The following JRK variants were observed in gnomAD, a reference collection of about 807,000 sequenced individuals.
JRK encodes the protein jerky protein homolog.
For synonymous variants in JRK, 303 were observed against 218.1 expected, an observed-to-expected ratio of 1.39 and a Z score of -3.43; for missense variants, 720 against 509.2, an observed-to-expected ratio of 1.41 and a Z score of -3.98.
chr8:142,669,770 C>T (rs1358059953), intron 1 of JRK, among the ~76,000 whole-genome samples, 162 bp downstream of exon 1: 3 of 148,620 alleles, frequency 2.0e-5, no homozygotes, highest in Non-Finnish European at 4.5e-5. Context: ...CGGCTGGGTC[C>T]GGCCCCGCAG....
Position 142,664,050 on chromosome 8 carries a change from C to T in JRK, c.*302G>A. On this transcript the variant is annotated 3_prime_UTR_variant, in exon 2 of 2. Transcript: ENST00000612905. ...GAACACGAGACCAGATCGGCTCAGCCTGGCCCCCATTCCAGCCAGGGTGCG... is the reference window on the plus strand; with the variant it reads ...GAACACGAGACCAGATCGGCTCAGCTTGGCCCCCATTCCAGCCAGGGTGCG... 8.3e-7 allele frequency: 1 copy of T among 1,199,954 alleles called. No homozygotes were observed. The highest frequency in any genetic ancestry group is 1.0e-6 in the Non-Finnish European group (1 of 965,778). 74.3% of individuals were successfully genotyped at this position (1,199,954 alleles called of 1,614,324 possible). A position where few individuals can be genotyped will look rare whatever the true frequency, so the allele number is the denominator to read the frequency against.
chr8:142,652,480 G>C (rs1846684291), downstream of JRK, among the ~76,000 whole-genome samples: 1 of 152,208 alleles, frequency 6.6e-6, no homozygotes, highest in Admixed American at 6.5e-5. Flanking sequence ...AGGTAGATAA[G>C]AGACAAATGG....
At position 142,666,184 on chromosome 8, in the gene JRK, TCTG is replaced by T. The variant is rs1349290545; in HGVS notation, c.-129_-127del. 2.2e-5 allele frequency: 34 copies of T among 1,511,952 alleles called. No homozygotes were observed. Among genetic ancestry groups the T allele is most frequent in the Non-Finnish European group, 3.0e-5 (34 of 1,116,642 alleles). The allele number at this position is 1,511,952 out of a possible 1,614,324, so 93.7% of individuals were successfully genotyped here. A position where few individuals can be genotyped will look rare whatever the true frequency, so the allele number is the denominator to read the frequency against. On this transcript the variant is annotated 5_prime_UTR_variant, in exon 2 of 2. Coordinates refer to ENST00000612905, the MANE Select transcript of JRK (RefSeq NM_003724.4). The stretch of plus-strand genomic sequence containing the variant: ...CTCCCTCTCCACTCTGCCTGCCTGC[TCTG>T]CTGATCCTGAGCACAGGCCCCAGTC...
In JRK at chr8:142,661,325, C is replaced by T. The variant is rs1226406179; in HGVS notation, c.*3027G>A. On this transcript the variant is annotated 3_prime_UTR_variant, in exon 2 of 2. Transcript: ENST00000612905. ...CCTAACCCCTGAATTCACCATGCCA[C>T]CCTGAAAGTATGGCCTCTCCTGGGC... 2.0e-6 allele frequency: 2 copies of T among 985,354 alleles called. No individual in the cohort carries two copies. Among genetic ancestry groups the T allele is most frequent in the Non-Finnish European group, 2.4e-6 (2 of 829,962 alleles). The allele number at this position is 985,354 out of a possible 1,614,324, so 61.0% of individuals were successfully genotyped here. A position where few individuals can be genotyped will look rare whatever the true frequency, so the allele number is the denominator to read the frequency against.
rs587635410 is a variant in JRK, at chr8:142,668,676, A to G, written c.-463+1256T>C. Among the ~76,000 whole-genome samples the G allele has an allele frequency of 1.1e-4, 16 of 151,616 alleles. No individual in the cohort carries two copies. In the East Asian group the frequency reaches 1.6e-3, roughly 15 times the overall value. ...TCGCGGACACGTCTCCATGCCTGAC[A>G]TGCAGGTGTAGCAGGATGACACAAA... On this transcript the variant is annotated intron_variant, in intron 1 of 1. Coordinates refer to ENST00000612905, the MANE Select transcript of JRK (RefSeq NM_003724.4).
the JRK span, among the ~76,000 whole-genome samples, chr8:142,644,008 G>C: frequency 2.0e-5 from 3 of 152,180 alleles, no homozygotes; most frequent in Non-Finnish European, 4.4e-5. Context: ...AACATTTTAA[G>C]TGAAAAGTCA....
chr8:142,663,020 G>T lies in JRK; in HGVS notation c.*1332C>A. 3.5e-6 allele frequency: 2 copies of T among 568,284 alleles called. No homozygotes were observed. Among genetic ancestry groups the T allele is most frequent in the Non-Finnish European group, 4.5e-6 (2 of 448,940 alleles). The allele number at this position is 568,284 out of a possible 1,614,324, so 35.2% of individuals were successfully genotyped here. The stretch of plus-strand genomic sequence containing the variant: ...ACAAAAAAAATAAAAAGGCGCGGTG[G>T]TGCGTGCCTCTAGTCCCAGCTACTC... On this transcript the variant is annotated 3_prime_UTR_variant, in exon 2 of 2. Coordinates refer to ENST00000612905, the MANE Select transcript of JRK (RefSeq NM_003724.4).
In JRK at chr8:142,664,270, G is replaced by A. The variant is rs587616481; in HGVS notation, c.*82C>T. ...TGTCTGCACATGCCCTCCTGCCTCAGGTGGGGTCGGGGCACAGGACCATGC... is the reference window on the plus strand; with the variant it reads ...TGTCTGCACATGCCCTCCTGCCTCAAGTGGGGTCGGGGCACAGGACCATGC... On this transcript the variant is annotated 3_prime_UTR_variant, in exon 2 of 2. Coordinates refer to ENST00000612905, the MANE Select transcript of JRK (RefSeq NM_003724.4). 6.9e-7 allele frequency: 1 copy of A among 1,457,724 alleles called. No homozygotes were observed. The highest frequency in any genetic ancestry group is 1.4e-5 in the African/African-American group (1 of 70,416). 90.3% of individuals were successfully genotyped at this position (1,457,724 alleles called of 1,614,324 possible). A position where few individuals can be genotyped will look rare whatever the true frequency, so the allele number is the denominator to read the frequency against.
the JRK span, among the ~76,000 whole-genome samples, chr8:142,645,963 G>A: frequency 1.2e-4 from 18 of 151,620 alleles, no homozygotes; most frequent in African/African-American, 4.1e-4. Flanking sequence ...AGCTTTGAAT[G>A]AGACAAAAAT....
downstream of JRK, among the ~76,000 whole-genome samples, chr8:142,654,209 T>C (rs1846710849): frequency 6.6e-6 from 1 of 152,116 alleles, no homozygotes; most frequent in African/African-American, 2.4e-5. Flanking sequence ...ATGGTGTCCA[T>C]GGCCATTCTA....
chr8:142,660,853 C>A lies in JRK; in HGVS notation c.*3499G>T. On this transcript the variant is annotated 3_prime_UTR_variant, in exon 2 of 2. Coordinates refer to ENST00000612905, the MANE Select transcript of JRK (RefSeq NM_003724.4). The stretch of plus-strand genomic sequence containing the variant: ...CCTTCTGCAAACCCCTGCCTCAAAC[C>A]GTGTCCCTCCACAAGCACATCCAGC... The A allele has an allele frequency of 1.0e-6, 1 of 985,666 alleles. No individual in the cohort carries two copies. The highest frequency in any genetic ancestry group is 1.2e-6 in the Non-Finnish European group (1 of 830,130). The allele number at this position is 985,666 out of a possible 1,614,324, so 61.1% of individuals were successfully genotyped here.
At chr8:142,646,119 C>T in the JRK span, among the ~76,000 whole-genome samples, 2 of 152,128 alleles carry the variant, frequency 1.3e-5, no homozygotes, top group Admixed American at 1.3e-4. Context: ...TATCCCATTA[C>T]ATTTACCTAA....
At position 142,657,702 on chromosome 8, in the gene JRK, T is replaced by C. The variant is rs1007207120; in HGVS notation, c.*6650A>G. On this transcript the variant is annotated 3_prime_UTR_variant, in exon 2 of 2. Coordinates refer to ENST00000612905, the MANE Select transcript of JRK (RefSeq NM_003724.4). ...GAGAACTCACTTGTTACCACAAAGA[T>C]GGCACCAGGCTATTCATGAAGGATC... 1 of 152,228 alleles carries C rather than the reference T, an allele frequency of 6.6e-6. No homozygotes were observed. The highest frequency in any genetic ancestry group is 2.1e-4 in the South Asian group (1 of 4,828). 9.4% of individuals were successfully genotyped at this position (152,228 alleles called of 1,614,324 possible). A position where few individuals can be genotyped will look rare whatever the true frequency, so the allele number is the denominator to read the frequency against.
Position 142,665,981 on chromosome 8 carries a change from AAT to A in JRK, c.76_77del (p.Ile26Ter), listed in dbSNP as rs1554636010. The A allele has an allele frequency of 8.3e-7, 1 of 1,206,440 alleles. No homozygotes were observed. The highest frequency in any genetic ancestry group is 1.2e-6 in the Non-Finnish European group (1 of 808,102). 74.7% of individuals were successfully genotyped at this position (1,206,440 alleles called of 1,614,324 possible). ...KRVVLTLKEK[I>X]DICTRLEKGE... ...CCTTCTCCAGGCGCGTGCAGATGTC[AAT>A]CTTCTCCTTCAGTGTCAGCACCACC... is the stretch of plus-strand genomic sequence containing the variant. On this transcript the variant is annotated frameshift_variant, in exon 2 of 2. Transcript: ENST00000612905. LOFTEE classifies it low-confidence loss of function (END_TRUNC).
At chr8:142,666,760 C>T (rs1454106581) in intron 1 of JRK, among the ~76,000 whole-genome samples, 1 of 152,222 alleles carries the variant, frequency 6.6e-6, no homozygotes, top group Admixed American at 6.5e-5. Context: ...AAACTGAAGC[C>T]ATTCGCTAGG....
Position 142,663,064 on chromosome 8 carries a change from G to T in JRK, c.*1288C>A. The T allele has an allele frequency of 2.6e-6, 2 of 758,936 alleles. No homozygotes were observed. The highest frequency in any genetic ancestry group is 3.2e-6 in the Non-Finnish European group (2 of 623,414). 47.0% of individuals were successfully genotyped at this position (758,936 alleles called of 1,614,324 possible). A position where few individuals can be genotyped will look rare whatever the true frequency, so the allele number is the denominator to read the frequency against. On this transcript the variant is annotated 3_prime_UTR_variant, in exon 2 of 2. Coordinates refer to ENST00000612905, the MANE Select transcript of JRK (RefSeq NM_003724.4). ...GCTACTCAGGAGGCTGGGGCGGGAG[G>T]ATCACTCAAGCCAGGGAGGTCGAGG...
chr8:142,655,204 C>A (rs1846725163), downstream of JRK, among the ~76,000 whole-genome samples: 1 of 152,192 alleles, frequency 6.6e-6, no homozygotes, highest in Non-Finnish European at 1.5e-5. Flanking sequence ...CCCTGGGGAC[C>A]AGCACTGACT....
At chr8:142,666,841 T>G (rs1554636265) in intron 1 of JRK, among the ~76,000 whole-genome samples, 1 of 152,148 alleles carries the variant, frequency 6.6e-6, no homozygotes, top group Non-Finnish European at 1.5e-5. Flanking sequence ...GCAGAAGCCA[T>G]CAGAGGAAGC....
intron 1 of JRK, 112 bp downstream of exon 1, chr8:142,669,820 C>A (rs1847269649): frequency 6.6e-6 from 1 of 150,548 alleles, no homozygotes; most frequent in East Asian, 1.9e-4. Flanking sequence ...CGCCCGCCTG[C>A]CCAGACTGCG....
Sources: allele counts gnomAD v4.1 joint callset (sites outside exome capture counted in the v4.1 genomes callset), GRCh38; gene constraint gnomAD v4.1.1; transcripts MANE v1.5; gene names NCBI Gene and HGNC (gene_info 2026-07-23, HGNC 2026-07-21).